Variants in SCN11A observed in about 807,000 individuals in gnomAD.
SCN11A encodes the protein sodium voltage-gated channel alpha subunit 11.
Under a neutral mutation model 162.2 loss-of-function variants are expected in SCN11A, and 122 were observed. That is an observed-to-expected ratio of 0.75 (90% CI 0.65 to 0.87). SCN11A has a LOEUF of 0.87. Among genes scored for constraint, SCN11A ranks in the 40% least tolerant of loss-of-function variants. The probability of loss-of-function intolerance (pLI) is 0.00; values close to 1 mark genes in which losing one functional copy is unlikely to be tolerated. For missense variants in SCN11A, 2,015 were observed against 2,181.6 expected (o/e 0.92, Z 1.52); for synonymous variants, 758 against 751.5 (o/e 1.01, Z -0.14).
At chr3:38,974,798 T>C (rs2066839197) in intron 2 of SCN11A, among the ~76,000 whole-genome samples, 1 of 151,166 alleles carries the variant, frequency 6.6e-6, no homozygotes, top group Admixed American at 6.6e-5. Flanking sequence ...AAAAACAATA[T>C]TCGAAGTGTA....
intron 29 of SCN11A, chr3:38,849,819 T>C: frequency 6.6e-6 from 1 of 152,248 alleles, no homozygotes; most frequent in East Asian, 1.9e-4. Context: ...TGCGTGTGAT[T>C]AGGAAAAATA....
intron 16 of SCN11A, among the ~76,000 whole-genome samples, chr3:38,900,507 A>G (rs1245650449): frequency 6.6e-6 from 1 of 152,112 alleles, no homozygotes; most frequent in Admixed American, 6.6e-5. Flanking sequence ...ATTATCCCCC[A>G]TAAACTAGAA....
At chr3:38,906,008 C>T (rs2065786576) in intron 14 of SCN11A, among the ~76,000 whole-genome samples, 1 of 152,176 alleles carries the variant, frequency 6.6e-6, no homozygotes, top group Non-Finnish European at 1.5e-5. Context: ...CTCACCAGAG[C>T]CCCAGAGGGA....
intron 7 of SCN11A, among the ~76,000 whole-genome samples, chr3:38,937,443 A>G (rs551639373): frequency 6.6e-6 from 1 of 150,656 alleles, no homozygotes; most frequent in South Asian, 2.1e-4. Context: ...GCAACCTACA[A>G]AATGGGAGAA....
intron 2 of SCN11A, among the ~76,000 whole-genome samples, chr3:39,008,947 C>T (rs1358351882): frequency 6.6e-6 from 1 of 151,766 alleles, no homozygotes; most frequent in Non-Finnish European, 1.5e-5. Flanking sequence ...GGTCCAGTGG[C>T]CCTAGGGGTC....
At chr3:38,992,045 G>T (rs1422211135) in intron 2 of SCN11A, among the ~76,000 whole-genome samples, 1 of 152,142 alleles carries the variant, frequency 6.6e-6, no homozygotes, top group East Asian at 1.9e-4. Flanking sequence ...CTGACCTCAG[G>T]TGATCTGCCC....
chr3:38,849,510 T>A (rs1459062427), intron 29 of SCN11A: 2 of 152,190 alleles, frequency 1.3e-5, no homozygotes, highest in Non-Finnish European at 2.9e-5. Flanking sequence ...ATCCAATATA[T>A]CTGTTTGATG....
intron 2 of SCN11A, among the ~76,000 whole-genome samples, chr3:39,007,274 T>C (rs2031005104): frequency 6.6e-6 from 1 of 152,222 alleles, no homozygotes; most frequent in Non-Finnish European, 1.5e-5. Context: ...GTCCATTTTA[T>C]CTTCATCCCC....
intron 7 of SCN11A, among the ~76,000 whole-genome samples, chr3:38,942,981 G>C (rs2066463215): frequency 6.6e-6 from 1 of 152,076 alleles, no homozygotes; most frequent in Admixed American, 6.5e-5. Flanking sequence ...TTATCCCAGA[G>C]AAATGCAAAA....
chr3:38,942,362 T>C (rs1054801113), intron 7 of SCN11A, among the ~76,000 whole-genome samples: 1 of 152,170 alleles, frequency 6.6e-6, no homozygotes, highest in Admixed American at 6.5e-5. Context: ...TTAACTTAAC[T>C]GACCTTTTAA....
chr3:39,033,165 A>AAG (rs113055240), intron 1 of SCN11A, among the ~76,000 whole-genome samples: 1 of 151,202 alleles, frequency 6.6e-6, no homozygotes, highest in South Asian at 2.1e-4. Context: ...AAAAAAAAAA[A>AAG]AGAGAGAGAG....
At chr3:38,998,780 C>T (rs2030720505) in intron 2 of SCN11A, among the ~76,000 whole-genome samples, 1 of 151,662 alleles carries the variant, frequency 6.6e-6, no homozygotes, top group African/African-American at 2.4e-5. Flanking sequence ...AGCTGGAAAC[C>T]ATCATTCTCA....
chr3:38,850,524 G>A lies in SCN11A; in HGVS notation c.4284C>T (p.Gly1428=), dbSNP rs1415789103. Residue 1428 remains glycine, a synonymous_variant, in exon 29 of 30, where the codon GGC becomes GGT. Transcript: ENST00000302328. ...CGACCACACAGTCAAATAAATTCCA[G>A]CCATTGGTGAAGTAGTATTGCCTCA... is the stretch of plus-strand genomic sequence containing the variant. ...FALRQYYFTN[G]WNLFDCVVVL... is the part of the protein sequence containing the mutation. 6.2e-6 allele frequency: 10 copies of A among 1,613,788 alleles called. No homozygotes were observed. Among genetic ancestry groups the A allele is most frequent in the Non-Finnish European group, 8.5e-6 (10 of 1,179,808 alleles).
At chr3:39,015,645 C>A (rs755245134) in intron 2 of SCN11A, among the ~76,000 whole-genome samples, 1 of 152,158 alleles carries the variant, frequency 6.6e-6, no homozygotes, top group African/African-American at 2.4e-5. Flanking sequence ...GTGGCTTAAA[C>A]AAATAGATGT....
intron 2 of SCN11A, among the ~76,000 whole-genome samples, chr3:39,012,395 CCTTA>C (rs1442394109): frequency 1.7e-4 from 26 of 151,800 alleles, no homozygotes; most frequent in Admixed American, 1.4e-3. Context: ...TCAGCTCCTT[CCTTA>C]CTTCCTTCCT....
At chr3:38,938,278 C>T (rs2066369726) in intron 7 of SCN11A, among the ~76,000 whole-genome samples, 1 of 151,234 alleles carries the variant, frequency 6.6e-6, no homozygotes, top group South Asian at 2.1e-4. Context: ...ATACCTAATG[C>T]TAATTGACGA....
intron 16 of SCN11A, among the ~76,000 whole-genome samples, chr3:38,901,897 T>C (rs918072847): frequency 6.6e-6 from 1 of 152,210 alleles, no homozygotes; most frequent in Non-Finnish European, 1.5e-5. Flanking sequence ...TGTGGCCCTG[T>C]GGCTCCTCCT....
chr3:38,959,780 C>G (rs1332193805), intron 3 of SCN11A, among the ~76,000 whole-genome samples: 3 of 152,192 alleles, frequency 2.0e-5, no homozygotes, highest in African/African-American at 7.2e-5. Flanking sequence ...ATAAGAAAAT[C>G]AGAAAGCAAA....
intron 2 of SCN11A, among the ~76,000 whole-genome samples, chr3:39,010,119 G>A (rs564478754): frequency 5.1e-4 from 78 of 152,138 alleles, no homozygotes; most frequent in African/African-American, 1.7e-3. Context: ...ATCTTCCATA[G>A]TGAGAAGTCA....
Sources: gnomAD v4.1 joint callset for allele counts (sites outside exome capture counted in the v4.1 genomes callset) on GRCh38, gnomAD v4.1.1 for gene constraint, MANE v1.5 for transcripts, NCBI Gene and HGNC (gene_info 2026-07-23, HGNC 2026-07-21) for gene names.